Variants in TNPO3 observed in about 807,000 individuals in gnomAD.
The protein encoded by TNPO3 is transportin-3.
TNPO3 carries 65 observed loss-of-function variants against 122.8 expected under a neutral mutation model. The observed-to-expected ratio is 0.53, with a 90% confidence interval of 0.43 to 0.65. TNPO3 has a LOEUF of 0.65. Among genes scored for constraint, TNPO3 ranks in the 30% least tolerant of loss-of-function variants. The pLI is 0.00. For missense variants in TNPO3, 850 were observed against 1,136.7 expected (o/e 0.75, Z 3.63); for synonymous variants, 372 against 411.2 (o/e 0.90, Z 1.15).
chr7:128,974,155 C>T (rs528286195), intron 18 of TNPO3, among the ~76,000 whole-genome samples: 79 of 151,796 alleles, frequency 5.2e-4, no homozygotes, highest in African/African-American at 1.8e-3. Flanking sequence ...GCCTGGGCAA[C>T]AGAGTGAGAG....
intron 1 of TNPO3, among the ~76,000 whole-genome samples, chr7:129,036,554 C>G (rs970772572): frequency 1.3e-5 from 2 of 152,096 alleles, no homozygotes; most frequent in Admixed American, 6.6e-5. Flanking sequence ...TGAATACAGA[C>G]TGATAATACC....
intron 1 of TNPO3, among the ~76,000 whole-genome samples, chr7:129,051,710 A>G (rs1584598894): frequency 1.3e-5 from 2 of 152,054 alleles, no homozygotes; most frequent in Admixed American, 6.5e-5. Flanking sequence ...GTGACACAAT[A>G]TCAGCTCACT....
At chr7:128,996,615 T>G (rs975549693) in intron 8 of TNPO3, among the ~76,000 whole-genome samples, 47 of 151,776 alleles carry the variant, frequency 3.1e-4, no homozygotes, top group African/African-American at 1.1e-3. Flanking sequence ...TGGTGGCGGG[T>G]GCCTGTAATC....
At chr7:128,988,574 G>T (rs1363777362) in intron 11 of TNPO3, among the ~76,000 whole-genome samples, 1 of 152,160 alleles carries the variant, frequency 6.6e-6, no homozygotes, top group African/African-American at 2.4e-5. Flanking sequence ...ATGAGATACT[G>T]CAAGGTGGCA....
chr7:128,996,034 C>T (rs1285603600), intron 8 of TNPO3, among the ~76,000 whole-genome samples: 1 of 152,148 alleles, frequency 6.6e-6, no homozygotes, highest in African/African-American at 2.4e-5. Flanking sequence ...GGGGTGGGTG[C>T]AGTTTGAAAA....
chr7:128,972,524 G>T lies in TNPO3; in HGVS notation c.2332C>A (p.Gln778Lys), dbSNP rs768660716. The T allele has an allele frequency of 6.2e-7, 1 of 1,614,056 alleles. No homozygotes were observed. Among genetic ancestry groups the T allele is most frequent in the Admixed American group, 1.7e-5 (1 of 60,008 alleles). The change falls in exon 19 of 23, where the codon CAG becomes AAG. Residue 778 changes from glutamine to lysine, a missense_variant. Physicochemically the swap from Gln to Lys is moderately conservative, Grantham distance 53. Coordinates refer to ENST00000265388, the MANE Select transcript of TNPO3 (RefSeq NM_012470.4). The stretch of plus-strand genomic sequence containing the variant: ...AGGGTAGTAGAGGCAATGGCCCACT[G>T]TAAGATAGGGATGACCACTTGGCTC... The part of the protein sequence containing the change: ...LRSQVVIPIL[Q>K]WAIASTTLDH...
At chr7:128,969,962 G>C (rs1325869382) in intron 20 of TNPO3, among the ~76,000 whole-genome samples, 186 bp downstream of exon 20, 2 of 152,118 alleles carry the variant, frequency 1.3e-5, no homozygotes, top group Admixed American at 1.3e-4. Flanking sequence ...ATGCTTTAAA[G>C]AACTCAATAA....
chr7:129,010,318 C>A (rs557938834), intron 4 of TNPO3, among the ~76,000 whole-genome samples: 18 of 152,192 alleles, frequency 1.2e-4, no homozygotes, highest in African/African-American at 4.1e-4. Context: ...CAGGTGCATG[C>A]CAACATGCTT....
intron 1 of TNPO3, among the ~76,000 whole-genome samples, chr7:129,052,875 C>G (rs1808941737): frequency 6.6e-6 from 1 of 152,156 alleles, no homozygotes. Flanking sequence ...CTTTAGAAAA[C>G]TATACAAAGA....
intron 13 of TNPO3, among the ~76,000 whole-genome samples, chr7:128,983,158 C>A (rs1302339446): frequency 6.6e-6 from 1 of 152,074 alleles, no homozygotes; most frequent in Non-Finnish European, 1.5e-5. Flanking sequence ...AGTTTAGGTG[C>A]AAGTGGCCAG....
In TNPO3 at chr7:128,955,385, C is replaced by G; in HGVS notation, c.*32G>C. 1 of 455,848 alleles carries G rather than the reference C, an allele frequency of 2.2e-6. No homozygotes were observed. Among genetic ancestry groups the G allele is most frequent in the Non-Finnish European group, 4.4e-6 (1 of 226,694 alleles). The allele number at this position is 455,848 out of a possible 1,614,324, so 28.2% of individuals were successfully genotyped here. On this transcript the variant is annotated splice_region_variant and 3_prime_UTR_variant, in exon 23 of 23. Transcript: ENST00000265388. ...CTGTCTTCTAATTAAAAAAGACATTCCTGACAAAAGAGATAAGACAGTCAA... is the reference window on the plus strand; with the variant it reads ...CTGTCTTCTAATTAAAAAAGACATTGCTGACAAAAGAGATAAGACAGTCAA...
chr7:128,983,714 T>C (rs1314363246), intron 13 of TNPO3, among the ~76,000 whole-genome samples: 5 of 151,954 alleles, frequency 3.3e-5, no homozygotes, highest in Non-Finnish European at 2.9e-5. Flanking sequence ...AATCCACTTA[T>C]GACTTGTAAG....
At chr7:128,960,796 G>C (rs1395885512) in intron 21 of TNPO3, among the ~76,000 whole-genome samples, 1 of 151,820 alleles carries the variant, frequency 6.6e-6, no homozygotes, top group African/African-American at 2.4e-5. Flanking sequence ...GTCTCACTCT[G>C]TCGCCCAGGC....
At chr7:128,958,191 T>A (rs1257607066) in intron 21 of TNPO3, among the ~76,000 whole-genome samples, 1 of 131,302 alleles carries the variant, frequency 7.6e-6, no homozygotes, top group Non-Finnish European at 1.6e-5. Context: ...TCATCCAGGC[T>A]GGAGTGCAAT....
chr7:128,964,669 T>G (rs1282135167), intron 21 of TNPO3, among the ~76,000 whole-genome samples: 1 of 152,104 alleles, frequency 6.6e-6, no homozygotes, highest in Non-Finnish European at 1.5e-5. Context: ...ATTGCAGGCC[T>G]CATATTCCTG....
Position 129,008,116 on chromosome 7 carries a change from T to A in TNPO3, c.553-2957A>T, listed in dbSNP as rs563681620. 2.5e-4 allele frequency among the ~76,000 whole-genome samples: 38 copies of A among 151,174 alleles called. No homozygotes were observed. The South Asian group carries it at 7.5e-3, about 30-fold the overall frequency. ...GTGAGCTGAGATTGCGCCATGGTAC[T>A]CCAGCCTGGGCGACAGAGCAAGACT... On this transcript the variant is annotated intron_variant, in intron 4 of 22. Coordinates refer to ENST00000265388, the MANE Select transcript of TNPO3 (RefSeq NM_012470.4).
intron 1 of TNPO3, among the ~76,000 whole-genome samples, chr7:129,043,924 T>C (rs1398174071): frequency 6.6e-6 from 1 of 152,258 alleles, no homozygotes; most frequent in African/African-American, 2.4e-5. Context: ...TTTATCTTCT[T>C]TCAACACTGG....
intron 4 of TNPO3, among the ~76,000 whole-genome samples, chr7:129,006,794 A>G (rs1802625658): frequency 6.6e-6 from 1 of 152,212 alleles, no homozygotes; most frequent in Non-Finnish European, 1.5e-5. Flanking sequence ...TTGTGCTCCA[A>G]AGAATGCTAG....
intron 5 of TNPO3, among the ~76,000 whole-genome samples, chr7:129,002,630 G>A (rs1009557341): frequency 3.3e-5 from 5 of 152,168 alleles, no homozygotes; most frequent in Non-Finnish European, 5.9e-5. Context: ...TAAAAAGTCA[G>A]TGTTCGAGCT....
Sources: gnomAD v4.1 joint callset for allele counts (sites outside exome capture counted in the v4.1 genomes callset) on GRCh38, gnomAD v4.1.1 for gene constraint, MANE v1.5 for transcripts, NCBI Gene and HGNC (gene_info 2026-07-23, HGNC 2026-07-21) for gene names.